The following MTMR2 variants were observed in gnomAD, a reference collection of about 807,000 sequenced individuals.
MTMR2 encodes myotubularin related protein 2, also known as phosphatidylinositol-3,5-bisphosphate 3-phosphatase MTMR2.
Under a neutral mutation model 86.9 loss-of-function variants are expected in MTMR2, and 55 were observed. The ratio of observed to expected loss-of-function variants is 0.63; its 90% CI spans 0.51 to 0.79. MTMR2 has a LOEUF of 0.79. Ranked by LOEUF, MTMR2 falls within the 30% of genes least tolerant of loss-of-function variation. The pLI, the probability that MTMR2 is intolerant of heterozygous loss-of-function variation, is 0.00. For synonymous variants in MTMR2, 241 were observed against 266.8 expected (o/e 0.90, Z 0.94); for missense variants, 659 against 772.3 (o/e 0.85, Z 1.74).
At chr11:95,845,862 A>C (rs1403737259) in intron 10 of MTMR2, among the ~76,000 whole-genome samples, 2 of 151,002 alleles carry the variant, frequency 1.3e-5, no homozygotes, top group African/African-American at 2.4e-5. Context: ...CCAAAAAAGA[A>C]ACACAAAAGT....
chr11:95,904,503 G>A (rs1866184777), intron 1 of MTMR2, among the ~76,000 whole-genome samples: 1 of 152,110 alleles, frequency 6.6e-6, no homozygotes. Flanking sequence ...TAAGAGGTCG[G>A]CACAAGACAG....
At chr11:95,897,591 A>C (rs524247) in intron 1 of MTMR2, among the ~76,000 whole-genome samples, 9,814 of 152,204 alleles carry the variant, frequency 0.064, 932 homozygotes, top group African/African-American at 0.21. Context: ...AATGACATCT[A>C]TCAACAAATA....
intron 3 of MTMR2, among the ~76,000 whole-genome samples, chr11:95,863,370 T>C (rs1344445972): frequency 6.6e-6 from 1 of 152,202 alleles, no homozygotes; most frequent in Non-Finnish European, 1.5e-5. Flanking sequence ...CTGCTTTGTA[T>C]GGAATTTGAA....
intron 2 of MTMR2, among the ~76,000 whole-genome samples, chr11:95,869,209 A>G (rs1864756495): frequency 6.8e-6 from 1 of 146,642 alleles, no homozygotes; most frequent in Admixed American, 6.8e-5. Flanking sequence ...TGCACCATAA[A>G]GAGATTTGCA....
chr11:95,912,965 T>C (rs956209247), intron 1 of MTMR2: 2 of 152,132 alleles, frequency 1.3e-5, no homozygotes, highest in Non-Finnish European at 2.9e-5. Context: ...TGAAATCAGA[T>C]CCTCATTTTC....
At chr11:95,900,089 C>T (rs928851037) in intron 1 of MTMR2, among the ~76,000 whole-genome samples, 9 of 152,020 alleles carry the variant, frequency 5.9e-5, no homozygotes, top group African/African-American at 1.2e-4. Flanking sequence ...GACAACGGAA[C>T]GAGGCCACAT....
intron 2 of MTMR2, among the ~76,000 whole-genome samples, chr11:95,872,102 G>A (rs1219417440): frequency 2.6e-5 from 4 of 152,236 alleles, no homozygotes; most frequent in African/African-American, 7.2e-5. Flanking sequence ...TTGGCAAGGC[G>A]GGCTCTTTTT....
At chr11:95,889,398 G>A (rs1865631140) in intron 1 of MTMR2, among the ~76,000 whole-genome samples, 1 of 151,908 alleles carries the variant, frequency 6.6e-6, no homozygotes, top group South Asian at 2.1e-4. Flanking sequence ...CTCCCAAAGT[G>A]CTGGGATTAC....
intron 2 of MTMR2, among the ~76,000 whole-genome samples, chr11:95,871,217 T>C (rs537201249): frequency 6.6e-6 from 1 of 152,364 alleles, no homozygotes; most frequent in East Asian, 1.9e-4. Context: ...TGTGTGTTTA[T>C]AGCAGCGTGA....
chr11:95,848,306 C>T (rs1044628154), intron 9 of MTMR2, among the ~76,000 whole-genome samples: 2 of 152,158 alleles, frequency 1.3e-5, no homozygotes, highest in African/African-American at 4.8e-5. Context: ...TCTGGTTCAC[C>T]TATGCTTCTT....
intron 2 of MTMR2, among the ~76,000 whole-genome samples, chr11:95,870,783 T>A (rs949432676): frequency 6.7e-6 from 1 of 149,128 alleles, no homozygotes; most frequent in Non-Finnish European, 1.5e-5. Flanking sequence ...ATGTGCACAA[T>A]GTGCAGGTTT....
At chr11:95,873,149 G>T (rs371109933) in intron 2 of MTMR2, among the ~76,000 whole-genome samples, 118 of 152,278 alleles carry the variant, frequency 7.7e-4, no homozygotes, top group Admixed American at 1.8e-3. Flanking sequence ...TTAGGGAGGA[G>T]TCCCTCTTTT....
Position 95,841,610 on chromosome 11 carries a change from A to G in MTMR2, c.1479+7T>C, listed in dbSNP as rs1435664260. ...ATGTGTAAGAATACATAGGCCAGAT[A>G]AATTACCTGTCTTGTCATCTGCCAG... On this transcript the variant is annotated splice_region_variant and intron_variant, in intron 12 of 14. Coordinates refer to ENST00000346299, the MANE Select transcript of MTMR2 (RefSeq NM_016156.6). The G allele has an allele frequency of 6.3e-7, 1 of 1,578,360 alleles. No individual in the cohort carries two copies. The highest frequency in any genetic ancestry group is 8.7e-7 in the Non-Finnish European group (1 of 1,150,478).
At chr11:95,839,661 CAG>C (rs1863453716) in intron 12 of MTMR2, among the ~76,000 whole-genome samples, 1 of 152,106 alleles carries the variant, frequency 6.6e-6, no homozygotes, top group South Asian at 2.1e-4. Context: ...GCTGAGGTGA[CAG>C]AGATGAGGAT....
intron 11 of MTMR2, 46 bp from the exon 12 acceptor site, chr11:95,841,755 T>G: frequency 1.4e-6 from 2 of 1,399,634 alleles, no homozygotes; most frequent in Non-Finnish European, 1.0e-6. Flanking sequence ...GGATTTTTCA[T>G]GTTTTGATGG....
At chr11:95,914,440 C>T (rs1195546668) in intron 1 of MTMR2, 1 of 797,484 alleles carries the variant, frequency 1.3e-6, no homozygotes, top group Admixed American at 6.2e-5. Flanking sequence ...TTACTTGCTT[C>T]ATACTTTACA....
At chr11:95,883,488 G>A (rs542353471) in intron 2 of MTMR2, among the ~76,000 whole-genome samples, 11 of 152,278 alleles carry the variant, frequency 7.2e-5, no homozygotes, top group South Asian at 4.1e-4. Flanking sequence ...TTTACTTCCA[G>A]AGGGAGAACA....
At chr11:95,858,962 G>A (rs1007623191) in intron 5 of MTMR2, among the ~76,000 whole-genome samples, 1 of 152,242 alleles carries the variant, frequency 6.6e-6, no homozygotes, top group Admixed American at 6.5e-5. Context: ...TATCATGACT[G>A]ATACAAACTA....
At chr11:95,897,400 TTAAATA>T (rs1400223879) in intron 1 of MTMR2, among the ~76,000 whole-genome samples, 3 of 152,184 alleles carry the variant, frequency 2.0e-5, no homozygotes, top group Non-Finnish European at 2.9e-5. Flanking sequence ...AATCACAGTC[TTAAATA>T]TAAAGACACA....
Sources: gnomAD v4.1 joint callset for allele counts (sites outside exome capture counted in the v4.1 genomes callset) on GRCh38, gnomAD v4.1.1 for gene constraint, MANE v1.5 for transcripts, NCBI Gene and HGNC (gene_info 2026-07-23, HGNC 2026-07-21) for gene names.